TFIP11: variants seen among roughly 807,000 people sequenced by gnomAD.
TFIP11 encodes tuftelin-interacting protein 11.
A neutral mutation model predicts 96.8 loss-of-function variants in TFIP11; 86 were observed. The ratio of observed to expected loss-of-function variants is 0.89; its 90% CI spans 0.75 to 1.06. The LOEUF (loss-of-function observed/expected upper bound fraction) is 1.06, where lower values mean the gene tolerates loss of function less well. Ranked by LOEUF, TFIP11 falls within the 50% of genes least tolerant of loss-of-function variation. The pLI is 0.00. For synonymous variants in TFIP11, 405 were observed against 395.2 expected, an observed-to-expected ratio of 1.02 and a Z score of -0.29; for missense variants, 881 against 1,076.7, an observed-to-expected ratio of 0.82 and a Z score of 2.54.
intron 12 of TFIP11, among the ~76,000 whole-genome samples, chr22:26,495,865 A>G (rs1921949660): frequency 6.6e-6 from 1 of 152,158 alleles, no homozygotes; most frequent in Non-Finnish European, 1.5e-5. Flanking sequence ...GTCGACTATT[A>G]GTGACTGTTG....
Position 26,491,760 on chromosome 22 carries a change from C to T in TFIP11, c.*253G>A. 1 of 1,248,032 alleles carries T rather than the reference C, an allele frequency of 8.0e-7. No individual in the cohort carries two copies. The highest frequency in any genetic ancestry group is 1.5e-5 in the African/African-American group (1 of 66,522). 77.3% of individuals were successfully genotyped at this position (1,248,032 alleles called of 1,614,324 possible). On this transcript the variant is annotated 3_prime_UTR_variant, in exon 15 of 15. Transcript: ENST00000407690. ...GCTGCTATGGAGGAACTACAGAGAA[C>T]TCCTTTGCCAGGAAAGAACATCAAC...
chr22:26,493,587 G>A (rs1444486808), intron 14 of TFIP11: 1 of 154,238 alleles, frequency 6.5e-6, no homozygotes, highest in African/African-American at 2.4e-5. Context: ...GACTTACCTA[G>A]AACTTGGGAA....
rs553863933 is a variant in TFIP11, at chr22:26,495,666, GTATA to G, written c.1849+403_1849+406del. On this transcript the variant is annotated intron_variant, in intron 12 of 14. Coordinates refer to ENST00000407690, the MANE Select transcript of TFIP11 (RefSeq NM_012143.4). Reference sequence around the variant, plus strand: ...TATATATACATGTATATGCATGTGTGTATATATATACATATATGTGTGTGTGTGT... The same window carrying G: ...TATATATACATGTATATGCATGTGTGTATATACATATATGTGTGTGTGTGT... 2.0e-3 allele frequency among the ~76,000 whole-genome samples: 291 copies of G among 143,498 alleles called. 1 individual carries two copies. The highest frequency in any genetic ancestry group is 6.7e-3 in the African/African-American group (263 of 39,138). 94.1% of individuals were successfully genotyped at this position (143,498 alleles called of 152,430 possible). A position where few individuals can be genotyped will look rare whatever the true frequency, so the allele number is the denominator to read the frequency against.
chr22:26,497,033 A>C, intron 10 of TFIP11, 144 bp from the exon 11 acceptor site: 3 of 967,970 alleles, frequency 3.1e-6, no homozygotes, highest in Non-Finnish European at 4.6e-6. Flanking sequence ...GCCAGTCACC[A>C]TACTGGCCAG....
At position 26,494,906 on chromosome 22, in the gene TFIP11, TG is replaced by T. The variant is rs749918134; in HGVS notation, c.1882del (p.His628ThrfsTer11). On this transcript the variant is annotated frameshift_variant, in exon 13 of 15. Transcript: ENST00000407690. LOFTEE classifies it high-confidence loss of function. ...ATAGAATGCATCCATGTGCTGCTGG[TG>T]GGGGTTAATGACTAGCTCACCAAGA... Reference protein sequence around the residue: ...MCLGELVINPHQQHMDAFYWV... With the variant: ...MCLGELVINPXQQHMDAFYWV... 1.2e-6 allele frequency: 2 copies of T among 1,614,054 alleles called. No individual in the cohort carries two copies. The highest frequency in any genetic ancestry group is 2.2e-5 in the South Asian group (2 of 91,072).
intron 6 of TFIP11, among the ~76,000 whole-genome samples, chr22:26,505,297 A>G (rs769357866): frequency 2.7e-4 from 41 of 152,302 alleles, no homozygotes; most frequent in Non-Finnish European, 5.1e-4. Flanking sequence ...CCATGAGAAG[A>G]CAGGAGGAGA....
intron 11 of TFIP11, 120 bp downstream of exon 11, chr22:26,496,601 G>T: frequency 7.7e-7 from 1 of 1,300,924 alleles, no homozygotes; most frequent in Non-Finnish European, 1.1e-6. Context: ...TAGGTCAATA[G>T]TTGTGTTGAC....
intron 7 of TFIP11, 118 bp downstream of exon 7, chr22:26,503,548 C>G (rs1923041472): frequency 1.1e-5 from 15 of 1,319,988 alleles, no homozygotes; most frequent in Non-Finnish European, 1.4e-5. Flanking sequence ...CAGCCCAGTA[C>G]CTGGCATACG....
rs1030859486 is a variant in TFIP11, at chr22:26,495,931, T to C, written c.1849+142A>G. On this transcript the variant is annotated intron_variant, in intron 12 of 14. Coordinates refer to ENST00000407690, the MANE Select transcript of TFIP11 (RefSeq NM_012143.4). The stretch of plus-strand genomic sequence containing the variant: ...ATTTATGTTCAGCCTCTGAACAAAA[T>C]GTTACCTTTTTCACAGCAAGGAATA... 6.3e-6 allele frequency: 8 copies of C among 1,279,516 alleles called. No individual in the cohort carries two copies. The African/African-American group carries it at 1.2e-4, about 19-fold the overall frequency. The allele number at this position is 1,279,516 out of a possible 1,614,324, so 79.3% of individuals were successfully genotyped here. A position where few individuals can be genotyped will look rare whatever the true frequency, so the allele number is the denominator to read the frequency against.
intron 13 of TFIP11, 40 bp from the exon 14 acceptor site, chr22:26,494,344 A>C: frequency 1.2e-6 from 2 of 1,613,574 alleles, no homozygotes; most frequent in Non-Finnish European, 1.7e-6. Flanking sequence ...TCGTGGCAAC[A>C]AATGAAGGCA....
chr22:26,510,474 GAACAA>G (rs1481586227), intron 3 of TFIP11, 138 bp downstream of exon 3: 2 of 586,526 alleles, frequency 3.4e-6, no homozygotes, highest in African/African-American at 3.7e-5. Flanking sequence ...TAAAACAGGT[GAACAA>G]AATACTACTC....
At position 26,494,829 on chromosome 22, in the gene TFIP11, G is replaced by T. The variant is rs753047577; in HGVS notation, c.1960C>A (p.Leu654Ile). The T allele has an allele frequency of 6.2e-7, 1 of 1,614,200 alleles. No individual in the cohort carries two copies. Among genetic ancestry groups the T allele is most frequent in the South Asian group, 1.1e-5 (1 of 91,084 alleles). ...CACTTGGGGAAGAAGTGCTTTTCAAGAAGTCCCACCAGGCTAGAGACAGAG... is the reference window on the plus strand; with the variant it reads ...CACTTGGGGAAGAAGTGCTTTTCAATAAGTCCCACCAGGCTAGAGACAGAG... Reference protein sequence around the residue: ...MISVSSLVGLLEKHFFPKWLQ... With the variant: ...MISVSSLVGLIEKHFFPKWLQ... Residue 654 changes from leucine (L) to isoleucine (I), a missense_variant, in exon 13 of 15, where the codon CTT becomes ATT. Leu to Ile is a conservative substitution (Grantham distance 5). Coordinates refer to ENST00000407690, the MANE Select transcript of TFIP11 (RefSeq NM_012143.4).
Position 26,501,995 on chromosome 22 carries a change from G to A in TFIP11, c.706C>T (p.Pro236Ser). The A allele has an allele frequency of 6.2e-7, 1 of 1,613,734 alleles. No homozygotes were observed. The highest frequency in any genetic ancestry group is 8.5e-7 in the Non-Finnish European group (1 of 1,179,972). Residue 236 changes from proline to serine, a missense_variant, in exon 8 of 15, where the codon CCC (proline) becomes TCC (serine). By Grantham distance (74) the Pro-to-Ser change is moderately conservative. Transcript: ENST00000407690. ...RKDPSGSKKKPKYSYKTVEEL... is the reference protein window; with the variant it reads ...RKDPSGSKKKSKYSYKTVEEL... ...TCCACGGTCTTGTAAGAGTATTTGG[G>A]CTTCTTCTTGCTTCCACTTGGGTCT... is the stretch of plus-strand genomic sequence containing the variant.
At position 26,491,900 on chromosome 22, in the gene TFIP11, A is replaced by T. The variant is rs945492787; in HGVS notation, c.*113T>A. The T allele has an allele frequency of 5.6e-5, 63 of 1,115,698 alleles. No homozygotes were observed. Among genetic ancestry groups the T allele is most frequent in the Non-Finnish European group, 7.9e-5 (62 of 787,076 alleles). The allele number at this position is 1,115,698 out of a possible 1,614,324, so 69.1% of individuals were successfully genotyped here. Reference sequence around the variant, plus strand: ...TCCCTCATGACCTGGCCTGATGTGGAGTAGCTCCTGAGTAAAGAAGTTACC... The same window carrying T: ...TCCCTCATGACCTGGCCTGATGTGGTGTAGCTCCTGAGTAAAGAAGTTACC... On this transcript the variant is annotated 3_prime_UTR_variant, in exon 15 of 15. Transcript: ENST00000407690.
rs773012818 is a variant in TFIP11 at position 26,506,776 on chromosome 22, GTTT to G, written c.359_361del (p.Lys120del). The G allele has an allele frequency of 1.2e-6, 2 of 1,614,154 alleles. No homozygotes were observed. The highest frequency in any genetic ancestry group is 2.2e-5 in the South Asian group (2 of 91,088). On this transcript the variant is annotated inframe_deletion and splice_region_variant, in exon 5 of 15. Coordinates refer to ENST00000407690, the MANE Select transcript of TFIP11 (RefSeq NM_012143.4). Reference sequence around the variant, plus strand: ...TCACAATCCTGCAATAGAGACTACCGTTTTTAGCTTCCTTGGTCCAAAATCCTT... The same window carrying G: ...TCACAATCCTGCAATAGAGACTACCGTTAGCTTCCTTGGTCCAAAATCCTT...
intron 7 of TFIP11, 27 bp from the exon 8 acceptor site, chr22:26,502,079 C>T: frequency 6.2e-7 from 1 of 1,613,844 alleles, no homozygotes; most frequent in Non-Finnish European, 8.5e-7. Flanking sequence ...CAGTCAGATG[C>T]AGCAAGGAAC....
Position 26,491,530 on chromosome 22 carries a change from C to T in TFIP11, c.*483G>A, listed in dbSNP as rs202243871. 1.1e-4 allele frequency: 182 copies of T among 1,613,956 alleles called. No individual in the cohort carries two copies. The Middle Eastern group carries it at 4.5e-3, about 40-fold the overall frequency. On this transcript the variant is annotated 3_prime_UTR_variant, in exon 15 of 15. Transcript: ENST00000407690. Reference sequence around the variant, plus strand: ...CAATACATGGACATATTTAATGATACCTCTGTCCACTGGTTCCCTGTGCAA... The same window carrying T: ...CAATACATGGACATATTTAATGATATCTCTGTCCACTGGTTCCCTGTGCAA...
chr22:26,500,793 C>G (rs2147134773), intron 8 of TFIP11, among the ~76,000 whole-genome samples: 1 of 151,604 alleles, frequency 6.6e-6, no homozygotes, highest in African/African-American at 2.4e-5. Flanking sequence ...TCTTTGAGGT[C>G]TATGACACAC....
chr22:26,506,349 C>T lies in TFIP11; in HGVS notation c.474G>A (p.Gln158=). 6.2e-7 allele frequency: 1 copy of T among 1,613,736 alleles called. No homozygotes were observed. Among genetic ancestry groups the T allele is most frequent in the South Asian group, 1.1e-5 (1 of 91,002 alleles). ...CCCGTCCAGGGACGTAGCCCATCTT[C>T]TGAAGAAGCTTCTGTCCAATTCCTT... is the stretch of plus-strand genomic sequence containing the variant. ...HTKGIGQKLL[Q]KMGYVPGRGL... The change falls in exon 6 of 15, where the codon CAG becomes CAA. Residue 158 remains glutamine, a synonymous_variant. Coordinates refer to ENST00000407690, the MANE Select transcript of TFIP11 (RefSeq NM_012143.4).
Sources: gnomAD v4.1 joint callset for allele counts (sites outside exome capture counted in the v4.1 genomes callset) on GRCh38, gnomAD v4.1.1 for gene constraint, MANE v1.5 for transcripts, NCBI Gene and HGNC (gene_info 2026-07-23, HGNC 2026-07-21) for gene names.